Variants in XXYLT1 observed in about 807,000 individuals in gnomAD.
The protein encoded by XXYLT1 is xyloside xylosyltransferase 1.
XXYLT1 carries 20 observed loss-of-function variants against 28.9 expected under a neutral mutation model. The ratio of observed to expected loss-of-function variants is 0.69; its 90% CI spans 0.49 to 1.00. The LOEUF (loss-of-function observed/expected upper bound fraction) is 1.00, where lower values mean the gene tolerates loss of function less well. XXYLT1 is among the 50% of genes least tolerant of loss of function. XXYLT1 has a pLI of 0.00. For missense variants in XXYLT1, 542 were observed against 560.1 expected (o/e 0.97, Z 0.33); for synonymous variants, 257 against 253.8 (o/e 1.01, Z -0.12).
intron 3 of XXYLT1, among the ~76,000 whole-genome samples, chr3:195,119,771 C>A (rs1269530653): frequency 1.3e-5 from 2 of 152,206 alleles, no homozygotes; most frequent in African/African-American, 4.8e-5. Flanking sequence ...CATCTTTTAA[C>A]CACCCTGTGT....
rs577813238 is a variant in XXYLT1, at chr3:195,176,699, A to ACTCC, written c.653-20122_653-20119dup. 4.6e-5 allele frequency among the ~76,000 whole-genome samples: 7 copies of ACTCC among 152,228 alleles called. No homozygotes were observed. The South Asian group carries it at 1.2e-3, about 27-fold the overall frequency. The stretch of plus-strand genomic sequence containing the variant: ...ATCTGTATCCCACACCACAGCTGGC[A>ACTCC]CTCCCTTACGCTTACCTAAGGACTC... On this transcript the variant is annotated intron_variant, in intron 2 of 3. Coordinates refer to ENST00000310380, the MANE Select transcript of XXYLT1 (RefSeq NM_152531.5). The surrounding 1 kb of genome is among the most constrained non-coding windows in gnomAD (Gnocchi z 4.9).
chr3:195,112,487 T>G (rs893191881), intron 3 of XXYLT1, among the ~76,000 whole-genome samples: 1 of 106,078 alleles, frequency 9.4e-6, no homozygotes, highest in Non-Finnish European at 1.9e-5. Flanking sequence ...CACACACGCA[T>G]GGACACATGC....
At chr3:195,230,259 A>T (rs1281087963) in intron 1 of XXYLT1, among the ~76,000 whole-genome samples, 1 of 152,140 alleles carries the variant, frequency 6.6e-6, no homozygotes, top group Non-Finnish European at 1.5e-5. Flanking sequence ...GGGTTGTTTG[A>T]GCCCCTTATA....
intron 3 of XXYLT1, among the ~76,000 whole-genome samples, chr3:195,112,736 T>G (rs1169205515): frequency 7.7e-6 from 1 of 130,464 alleles, no homozygotes; most frequent in Admixed American, 8.1e-5. Flanking sequence ...CCCCGGGTGG[T>G]AGGAACAGCT....
intron 3 of XXYLT1, among the ~76,000 whole-genome samples, chr3:195,114,018 G>GT (rs765207542): frequency 2.0e-5 from 3 of 152,216 alleles, no homozygotes; most frequent in Non-Finnish European, 4.4e-5. Flanking sequence ...GGAGCCATGA[G>GT]TGCCCAATTT....
chr3:195,203,689 C>T (rs1722947948), intron 2 of XXYLT1, among the ~76,000 whole-genome samples: 1 of 147,962 alleles, frequency 6.8e-6, no homozygotes. Context: ...AGGATTCCTC[C>T]GCCCAGTGTT....
chr3:195,226,994 G>T, intron 1 of XXYLT1, 138 bp from the exon 2 acceptor site: 1 of 1,017,938 alleles, frequency 9.8e-7, no homozygotes, highest in South Asian at 1.7e-5. Context: ...ATGGGGCTAG[G>T]GGTAGCAACG....
In XXYLT1 at chr3:195,270,756, C is replaced by A; in HGVS notation, c.303G>T (p.Leu101=). 1 of 1,585,770 alleles carries A rather than the reference C, an allele frequency of 6.3e-7. No individual in the cohort carries two copies. The highest frequency in any genetic ancestry group is 8.5e-7 in the Non-Finnish European group (1 of 1,170,340). ...GGGAGPVDYH[L]LMMFTKAEHN... ...GCTCCGCCTTGGTGAACATCATCAGCAGGTGGTAGTCCACCGGCCCGGCAC... is the reference window on the plus strand; with the variant it reads ...GCTCCGCCTTGGTGAACATCATCAGAAGGTGGTAGTCCACCGGCCCGGCAC... Residue 101 remains leucine (L), a synonymous_variant, in exon 1 of 4, where the codon CTG becomes CTT. Transcript: ENST00000310380.
In XXYLT1 at chr3:195,205,661, A is replaced by G. The variant is rs184707401; in HGVS notation, c.652+21048T>C. Reference sequence around the variant, plus strand: ...GTGAATTACCCAAGGTCACGAGTTCAAAACCAGCCTGGGTAACATGATAAA... The same window carrying G: ...GTGAATTACCCAAGGTCACGAGTTCGAAACCAGCCTGGGTAACATGATAAA... On this transcript the variant is annotated intron_variant, in intron 2 of 3. Coordinates refer to ENST00000310380, the MANE Select transcript of XXYLT1 (RefSeq NM_152531.5). Among the ~76,000 whole-genome samples the G allele has an allele frequency of 1.7e-3, 257 of 152,296 alleles. 1 individual carries two copies. Among genetic ancestry groups the G allele is most frequent in the African/African-American group, 4.8e-3 (198 of 41,562 alleles).
At chr3:195,193,044 A>G (rs59614349) in intron 2 of XXYLT1, among the ~76,000 whole-genome samples, 7,812 of 152,168 alleles carry the variant, frequency 0.051, 617 homozygotes, top group African/African-American at 0.18. Context: ...CTAGCACTTT[A>G]GGAGGCCAAG....
intron 3 of XXYLT1, among the ~76,000 whole-genome samples, chr3:195,112,431 C>T (rs1717777091): frequency 9.2e-6 from 1 of 108,974 alleles, no homozygotes; most frequent in Admixed American, 9.4e-5. Context: ...CACACATGCA[C>T]ACACACGCAC....
At chr3:195,270,261 T>G in intron 1 of XXYLT1, 1 of 576,818 alleles carries the variant, frequency 1.7e-6, no homozygotes, top group Non-Finnish European at 2.9e-6. Context: ...CCCTGCAACG[T>G]TAGCAAAATG....
At chr3:195,103,369 G>A (rs34036913) in intron 3 of XXYLT1, among the ~76,000 whole-genome samples, 6,960 of 129,390 alleles carry the variant, frequency 0.054, 250 homozygotes, top group African/African-American at 0.1. Context: ...CACGCCAGCG[G>A]CCTGCGTCCA....
In XXYLT1 at chr3:195,069,678, A is replaced by G; in HGVS notation, c.*37T>C. ...TCCCAAGGAACCCTGTCCTTCCCCC[A>G]GATCTGGAGGCCCCGGGGGCAAGGC... On this transcript the variant is annotated 3_prime_UTR_variant, in exon 4 of 4. Coordinates refer to ENST00000310380, the MANE Select transcript of XXYLT1 (RefSeq NM_152531.5). The G allele has an allele frequency of 6.3e-7, 1 of 1,577,376 alleles. No individual in the cohort carries two copies. Among genetic ancestry groups the G allele is most frequent in the Non-Finnish European group, 8.6e-7 (1 of 1,164,802 alleles).
chr3:195,110,432 CGTGTGT>C (rs1717554806), intron 3 of XXYLT1, among the ~76,000 whole-genome samples: 8 of 86,632 alleles, frequency 9.2e-5, no homozygotes, highest in East Asian at 1.1e-3. Flanking sequence ...TGTATGTGTG[CGTGTGT>C]ATGTGGTGTA....
At chr3:195,158,787 T>C (rs1720730928) in intron 2 of XXYLT1, among the ~76,000 whole-genome samples, 1 of 152,234 alleles carries the variant, frequency 6.6e-6, no homozygotes, top group Non-Finnish European at 1.5e-5. Flanking sequence ...TTCATGTAAT[T>C]ATGAAATAAG....
chr3:195,143,795 TATATAGATAGATATATATAG>T (rs1719621315), intron 3 of XXYLT1, among the ~76,000 whole-genome samples: 1 of 116,408 alleles, frequency 8.6e-6, no homozygotes, highest in South Asian at 3.2e-4. Flanking sequence ...TATATATATA[TATATAGATAGATATATATAG>T]ATATAGATAT....
intron 1 of XXYLT1, among the ~76,000 whole-genome samples, chr3:195,258,069 T>C (rs1725544510): frequency 6.6e-6 from 1 of 152,116 alleles, no homozygotes; most frequent in African/African-American, 2.4e-5. Flanking sequence ...CTGCTGAGCC[T>C]ATGAAGCCCC....
chr3:195,239,272 C>G (rs1184469592), intron 1 of XXYLT1, among the ~76,000 whole-genome samples: 1 of 152,212 alleles, frequency 6.6e-6, no homozygotes, highest in East Asian at 1.9e-4. Flanking sequence ...CAAGGATGGG[C>G]TGGCACCTGT....
Sources: allele counts gnomAD v4.1 joint callset (sites outside exome capture counted in the v4.1 genomes callset), GRCh38; gene constraint gnomAD v4.1.1; non-coding constraint Gnocchi (gnomAD v3.1); transcripts MANE v1.5; gene names NCBI Gene and HGNC (gene_info 2026-07-23, HGNC 2026-07-21).